Variants in TMPRSS15 observed in about 807,000 individuals in gnomAD.
TMPRSS15 encodes enteropeptidase.
A neutral mutation model predicts 125.3 loss-of-function variants in TMPRSS15; 128 were observed. That is an observed-to-expected ratio of 1.02 (90% CI 0.89 to 1.18). The LOEUF (loss-of-function observed/expected upper bound fraction) is 1.18. TMPRSS15 is among the 50% of genes most tolerant of loss of function. TMPRSS15 has a pLI of 0.00. For synonymous variants in TMPRSS15, 446 were observed against 423.2 expected, an observed-to-expected ratio of 1.05 and a Z score of -0.66; for missense variants, 1,283 against 1,212.7, an observed-to-expected ratio of 1.06 and a Z score of -0.86.
intron 1 of TMPRSS15, among the ~76,000 whole-genome samples, chr21:18,478,424 G>C (rs113780392): frequency 6.6e-6 from 1 of 151,830 alleles, no homozygotes; most frequent in African/African-American, 2.4e-5. Flanking sequence ...AAATAAATAG[G>C]GTAATACAGA....
intron 4 of TMPRSS15, among the ~76,000 whole-genome samples, chr21:18,382,964 T>A (rs576395008): frequency 6.6e-6 from 1 of 152,290 alleles, no homozygotes; most frequent in African/African-American, 2.4e-5. Flanking sequence ...TTTATCATTT[T>A]AAAAATTAAT....
intron 1 of TMPRSS15, among the ~76,000 whole-genome samples, chr21:18,451,902 C>T (rs115289559): frequency 6.9e-4 from 103 of 148,852 alleles, no homozygotes; most frequent in African/African-American, 2.5e-3. Context: ...GACATGCATG[C>T]ATAATTTTAT....
chr21:18,384,340 A>G (rs1005292647), intron 3 of TMPRSS15, among the ~76,000 whole-genome samples: 3 of 152,174 alleles, frequency 2.0e-5, no homozygotes, highest in Non-Finnish European at 2.9e-5. Context: ...CAAGGGATAG[A>G]AAGAAAACAA....
chr21:18,373,065 A>G (rs1241469133), intron 5 of TMPRSS15, among the ~76,000 whole-genome samples: 1 of 152,236 alleles, frequency 6.6e-6, no homozygotes. Context: ...AATGATGGTG[A>G]AAAGTTTTGG....
chr21:18,300,210 T>C (rs12481767), intron 18 of TMPRSS15, among the ~76,000 whole-genome samples: 230 of 150,608 alleles, frequency 1.5e-3, no homozygotes, highest in Middle Eastern at 3.4e-3. Flanking sequence ...CTTTCTTTCT[T>C]TTTCTTTCTC....
chr21:18,482,845 C>T (rs551381964), intron 1 of TMPRSS15, among the ~76,000 whole-genome samples: 18 of 151,808 alleles, frequency 1.2e-4, no homozygotes, highest in African/African-American at 3.9e-4. Flanking sequence ...ACTTATCTAG[C>T]TTACTTTCTC....
chr21:18,299,679 G>A (rs2074944508), intron 18 of TMPRSS15, among the ~76,000 whole-genome samples: 1 of 152,108 alleles, frequency 6.6e-6, no homozygotes, highest in Non-Finnish European at 1.5e-5. Flanking sequence ...CCTGCCCTGT[G>A]TTTAACATTC....
At chr21:18,326,647 T>C in intron 15 of TMPRSS15, 75 bp from the exon 16 acceptor site, 2 of 1,572,782 alleles carry the variant, frequency 1.3e-6, no homozygotes. Flanking sequence ...CACATCTCAG[T>C]TCCCTCTGCC....
rs193089728 is a variant in TMPRSS15 at position 18,481,298 on chromosome 21, T to C, written c.10+4501A>G. On this transcript the variant is annotated intron_variant, in intron 1 of 7. Coordinates refer to the TMPRSS15 transcript ENST00000422787. Reference sequence around the variant, plus strand: ...AAATTACTGGCTTTGACTGCCTCAATTGAGTGTTGTCAGGATAAAATAGAA... The same window carrying C: ...AAATTACTGGCTTTGACTGCCTCAACTGAGTGTTGTCAGGATAAAATAGAA... Among the ~76,000 whole-genome samples, 57 of 151,962 alleles carry C rather than the reference T, an allele frequency of 3.8e-4. 1 individual carries two copies. Among genetic ancestry groups the C allele is most frequent in the African/African-American group, 1.3e-3 (55 of 41,508 alleles).
intron 1 of TMPRSS15, among the ~76,000 whole-genome samples, chr21:18,400,982 T>C (rs1282422767): frequency 6.6e-6 from 1 of 152,108 alleles, no homozygotes; most frequent in Admixed American, 6.5e-5. Flanking sequence ...TAAAAAATAC[T>C]CATCACCACT....
At chr21:18,410,291 T>C (rs2076162797) in intron 1 of TMPRSS15, among the ~76,000 whole-genome samples, 1 of 151,980 alleles carries the variant, frequency 6.6e-6, no homozygotes, top group African/African-American at 2.4e-5. Flanking sequence ...GTTTATTCTA[T>C]CTGTGAATGT....
chr21:18,372,192 C>T lies in TMPRSS15; in HGVS notation c.664+1G>A. 6.4e-7 allele frequency: 1 copy of T among 1,570,880 alleles called. No homozygotes were observed. The highest frequency in any genetic ancestry group is 8.7e-7 in the Non-Finnish European group (1 of 1,153,172). ...GGGAGAGAGTAGGGGGGAGAACTTA[C>T]CACACATTTTATTGTCTTCGTCAGA... is the stretch of plus-strand genomic sequence containing the variant. On this transcript the variant is annotated splice_donor_variant, in intron 6 of 24. Coordinates refer to ENST00000284885, the MANE Select transcript of TMPRSS15 (RefSeq NM_002772.3). LOFTEE classifies it high-confidence loss of function.
chr21:18,303,268 T>C (rs902441252), intron 18 of TMPRSS15, among the ~76,000 whole-genome samples: 9 of 152,026 alleles, frequency 5.9e-5, no homozygotes, highest in Admixed American at 5.2e-4. Context: ...CTTTGTTATA[T>C]AGACCTCAGT....
intron 10 of TMPRSS15, among the ~76,000 whole-genome samples, chr21:18,346,588 C>T (rs978391215): frequency 1.1e-4 from 16 of 152,004 alleles, no homozygotes; most frequent in South Asian, 4.1e-4. Flanking sequence ...TTTGAGAAGC[C>T]GTCAATTAGC....
At chr21:18,335,926 T>C (rs756907579) in intron 13 of TMPRSS15, among the ~76,000 whole-genome samples, 4 of 134,392 alleles carry the variant, frequency 3.0e-5, no homozygotes, top group African/African-American at 1.1e-4. Context: ...TATTCATTTA[T>C]AGTGTTAAAT....
intron 1 of TMPRSS15, among the ~76,000 whole-genome samples, chr21:18,457,683 C>A (rs143792613): frequency 6.6e-6 from 1 of 152,174 alleles, no homozygotes; most frequent in East Asian, 1.9e-4. Flanking sequence ...GAAATGGGCT[C>A]CCACTTCTAA....
At chr21:18,450,478 T>C (rs938163352) in intron 1 of TMPRSS15, among the ~76,000 whole-genome samples, 30 of 152,218 alleles carry the variant, frequency 2.0e-4, no homozygotes, top group African/African-American at 6.5e-4. Context: ...TCTGTGATTA[T>C]ACCATCCCTT....
Position 18,372,211 on chromosome 21 carries a change from C to T in TMPRSS15, c.646G>A (p.Glu216Lys), listed in dbSNP as rs768742336. The change falls in exon 6 of 25, where the codon GAA becomes AAA. Residue 216 changes from glutamate (E) to lysine (K), a missense_variant. Transcript: ENST00000284885. The stretch of plus-strand genomic sequence containing the variant: ...AACTTACCACACATTTTATTGTCTT[C>T]GTCAGAACCATCTGGACAGTTTACT... ...GEVNCPDGSD[E>K]DNKMCATVCD... 90 of 1,589,622 alleles carry T rather than the reference C, an allele frequency of 5.7e-5. No individual in the cohort carries two copies. In the Admixed American group the frequency reaches 6.8e-4, roughly 12 times the overall value.
chr21:18,296,196 T>C (rs905457476), intron 19 of TMPRSS15, among the ~76,000 whole-genome samples: 3 of 152,158 alleles, frequency 2.0e-5, no homozygotes, highest in African/African-American at 7.2e-5. Flanking sequence ...GGTCAGTAGA[T>C]TTTTATAGTT....
Sources: allele counts gnomAD v4.1 joint callset (sites outside exome capture counted in the v4.1 genomes callset), GRCh38; gene constraint gnomAD v4.1.1; transcripts MANE v1.5; gene names NCBI Gene and HGNC (gene_info 2026-07-23, HGNC 2026-07-21).